Variants in CAMTA1 observed in about 807,000 individuals in gnomAD.
CAMTA1 encodes the protein calmodulin binding transcription activator 1.
Under a neutral mutation model 170.9 loss-of-function variants are expected in CAMTA1, and 27 were observed. The ratio of observed to expected loss-of-function variants is 0.16; its 90% CI spans 0.12 to 0.22. The LOEUF is 0.22. CAMTA1 is among the 10% of genes least tolerant of loss of function. CAMTA1 has a pLI of 1.00. For synonymous variants in CAMTA1, 833 were observed against 891.5 expected (o/e 0.93, Z 1.17); for missense variants, 1,619 against 2,217.2 (o/e 0.73, Z 5.42).
intron 6 of CAMTA1, among the ~76,000 whole-genome samples, chr1:7,622,239 G>C (rs1301497542): frequency 1.3e-5 from 2 of 152,208 alleles, no homozygotes; most frequent in African/African-American, 4.8e-5. Context: ...TCCTCAGGTA[G>C]ATGGGAGGAT....
intron 3 of CAMTA1, among the ~76,000 whole-genome samples, chr1:6,999,572 G>C (rs1403548499): frequency 1.3e-5 from 2 of 152,084 alleles, no homozygotes; most frequent in Admixed American, 6.6e-5. Context: ...TTGTAGAGAC[G>C]GGGCTTTCCC....
At chr1:6,961,619 T>TGGGGGGGGGGG (rs1690430718) in intron 3 of CAMTA1, among the ~76,000 whole-genome samples, 1 of 35,166 alleles carries the variant, frequency 2.8e-5, no homozygotes, top group Non-Finnish European at 5.7e-5. Flanking sequence ...TTGGGGCGGG[T>TGGGGGGGGGGG]GGGGAGGGTG....
rs546061762 is a variant in CAMTA1, at chr1:7,503,683, G to C, written c.510+35782G>C. Reference sequence around the variant, plus strand: ...CTAGGGCACCTGAAGGCTCTCTCAGGGTAGTTTCCCATTTCCGTCAGGTTC... The same window carrying C: ...CTAGGGCACCTGAAGGCTCTCTCAGCGTAGTTTCCCATTTCCGTCAGGTTC... On this transcript the variant is annotated intron_variant, in intron 6 of 22. Transcript: ENST00000303635. Among the ~76,000 whole-genome samples the C allele has an allele frequency of 1.5e-3, 225 of 152,320 alleles. 1 individual carries two copies. Among genetic ancestry groups the C allele is most frequent in the Admixed American group, 8.2e-3 (126 of 15,302 alleles).
Position 7,738,580 on chromosome 1 carries a change from C to A in CAMTA1, c.4182+98C>A. On this transcript the variant is annotated intron_variant, in intron 16 of 22. Coordinates refer to ENST00000303635, the MANE Select transcript of CAMTA1 (RefSeq NM_015215.4). The surrounding 1 kb of genome is among the most constrained non-coding windows in gnomAD (Gnocchi z 4.9). ...CCGAAGGTTGTGTCATTTTCCTCCC[C>A]GTGAAGCCTTCGAAGTTGGCTTTGT... is the stretch of plus-strand genomic sequence containing the variant. 1.5e-6 allele frequency: 2 copies of A among 1,357,106 alleles called. No individual in the cohort carries two copies. The allele number at this position is 1,357,106 out of a possible 1,614,324, so 84.1% of individuals were successfully genotyped here. A position where few individuals can be genotyped will look rare whatever the true frequency, so the allele number is the denominator to read the frequency against.
chr1:7,679,882 T>C (rs1331726859), intron 11 of CAMTA1, among the ~76,000 whole-genome samples: 2 of 152,208 alleles, frequency 1.3e-5, no homozygotes, highest in Non-Finnish European at 2.9e-5. Flanking sequence ...TTTCCTTTGG[T>C]CTGGGCCAGT....
At chr1:6,982,888 A>G (rs971903108) in intron 3 of CAMTA1, among the ~76,000 whole-genome samples, 5 of 152,176 alleles carry the variant, frequency 3.3e-5, no homozygotes, top group African/African-American at 1.2e-4. Flanking sequence ...GACCAGGCCA[A>G]TGCAGGACAA....
intron 3 of CAMTA1, among the ~76,000 whole-genome samples, chr1:6,987,893 G>T (rs1213258923): frequency 6.6e-6 from 1 of 151,990 alleles, no homozygotes; most frequent in East Asian, 1.9e-4. Flanking sequence ...TCCCCAGGTG[G>T]GCATCATCCG....
intron 4 of CAMTA1, among the ~76,000 whole-genome samples, chr1:7,138,269 G>C (rs1483227270): frequency 6.6e-6 from 1 of 152,200 alleles, no homozygotes; most frequent in Non-Finnish European, 1.5e-5. Flanking sequence ...TGGGATTCTA[G>C]GTGTGAGCCA....
Position 7,641,713 on chromosome 1 carries a change from C to T in CAMTA1, c.664+1160C>T, listed in dbSNP as rs1483186214. ...AGGGCAGGACCACAAGACTGAGCTTCCTCACGTGTCGTCCTTTGAGCCAAG... is the reference window on the plus strand; with the variant it reads ...AGGGCAGGACCACAAGACTGAGCTTTCTCACGTGTCGTCCTTTGAGCCAAG... On this transcript the variant is annotated intron_variant, in intron 7 of 22. Transcript: ENST00000303635. The surrounding 1 kb of genome is among the most constrained non-coding windows in gnomAD (Gnocchi z 4.5). Among the ~76,000 whole-genome samples the T allele has an allele frequency of 6.6e-6, 1 of 152,100 alleles. No individual in the cohort carries two copies. The highest frequency in any genetic ancestry group is 6.5e-5 in the Admixed American group (1 of 15,284).
At chr1:7,515,614 C>G (rs1389258677) in intron 6 of CAMTA1, among the ~76,000 whole-genome samples, 2 of 152,118 alleles carry the variant, frequency 1.3e-5, no homozygotes, top group Admixed American at 6.5e-5. Context: ...TCTCCCTACA[C>G]CCTATTCCAC....
rs543169282 is a variant in CAMTA1, at chr1:7,021,402, T to C, written c.235-69902T>C. Among the ~76,000 whole-genome samples the C allele has an allele frequency of 1.7e-4, 25 of 146,268 alleles. No individual in the cohort carries two copies. In the East Asian group the frequency reaches 4.8e-3, roughly 28 times the overall value. On this transcript the variant is annotated intron_variant, in intron 3 of 22. Transcript: ENST00000303635. ...GTGCCCTCATCGCTCAGCTTCTCTC[T>C]TTGTCTGTCTGCTCCCTTCATGTGC...
At chr1:7,054,488 G>C (rs1267027354) in intron 3 of CAMTA1, among the ~76,000 whole-genome samples, 1 of 152,200 alleles carries the variant, frequency 6.6e-6, no homozygotes, top group Non-Finnish European at 1.5e-5. Context: ...GCTAATGGGG[G>C]TTCAGCAGCA....
chr1:6,825,866 T>G (rs1270090191), intron 3 of CAMTA1, among the ~76,000 whole-genome samples: 3 of 152,242 alleles, frequency 2.0e-5, no homozygotes, highest in Non-Finnish European at 2.9e-5. Context: ...TCATCTTTTT[T>G]ATTTTGAAAT....
intron 5 of CAMTA1, among the ~76,000 whole-genome samples, chr1:7,305,363 T>G (rs1675425480): frequency 7.3e-6 from 1 of 137,506 alleles, no homozygotes; most frequent in Non-Finnish European, 1.5e-5. Context: ...TCTTTGGAAT[T>G]AGACTGATCT....
intron 6 of CAMTA1, among the ~76,000 whole-genome samples, chr1:7,474,064 AC>A (rs1321076449): frequency 3.3e-5 from 5 of 152,198 alleles, no homozygotes; most frequent in African/African-American, 1.2e-4. Context: ...GTGGATGGGC[AC>A]CATCAGCCCT....
At chr1:6,830,713 A>T (rs1649619597) in intron 3 of CAMTA1, among the ~76,000 whole-genome samples, 1 of 152,216 alleles carries the variant, frequency 6.6e-6, no homozygotes, top group South Asian at 2.1e-4. Context: ...GCATAATTCA[A>T]TGAGTTTTTG....
intron 3 of CAMTA1, among the ~76,000 whole-genome samples, chr1:6,838,617 C>A (rs1654270704): frequency 6.6e-6 from 1 of 152,090 alleles, no homozygotes; most frequent in Admixed American, 6.5e-5. Flanking sequence ...ACAGATATTT[C>A]TCTGTGCCGG....
intron 3 of CAMTA1, among the ~76,000 whole-genome samples, chr1:7,059,142 T>C (rs4908595): frequency 0.66 from 99,795 of 152,086 alleles, 32,954 homozygotes; most frequent in Non-Finnish European, 0.69. Context: ...CCCAGGCTGC[T>C]GCTGCTCCTC....
chr1:7,128,348 G>A (rs1033752059), intron 4 of CAMTA1, among the ~76,000 whole-genome samples: 3 of 152,178 alleles, frequency 2.0e-5, no homozygotes, highest in Non-Finnish European at 4.4e-5. Context: ...GATGGTCTTG[G>A]GGTTCCCCAA....
Sources: allele counts gnomAD v4.1 joint callset (sites outside exome capture counted in the v4.1 genomes callset), GRCh38; gene constraint gnomAD v4.1.1; non-coding constraint Gnocchi (gnomAD v3.1); transcripts MANE v1.5; gene names NCBI Gene and HGNC (gene_info 2026-07-23, HGNC 2026-07-21).